Variants in ADGRL2 observed in about 807,000 individuals in gnomAD.
ADGRL2 encodes calcium-independent alpha-latrotoxin receptor 2.
A neutral mutation model predicts 157.4 loss-of-function variants in ADGRL2; 44 were observed. That is an observed-to-expected ratio of 0.28 (90% CI 0.22 to 0.36). The LOEUF (loss-of-function observed/expected upper bound fraction) is 0.36, where lower values mean the gene tolerates loss of function less well. ADGRL2 is among the 10% of genes least tolerant of loss of function. The probability of loss-of-function intolerance (pLI) is 1.00; values close to 1 mark genes in which losing one functional copy is unlikely to be tolerated. For synonymous variants in ADGRL2, 585 were observed against 624.7 expected (o/e 0.94, Z 0.95); for missense variants, 1,510 against 1,768.9 (o/e 0.85, Z 2.63).
rs530423437 is a variant in ADGRL2, at chr1:81,656,513, C to T, written c.-143+75533C>T. Among the ~76,000 whole-genome samples, 80 of 152,274 alleles carry T rather than the reference C, an allele frequency of 5.3e-4. 1 individual carries two copies. The highest frequency in any genetic ancestry group is 3.4e-3 in the Middle Eastern group (1 of 294). On this transcript the variant is annotated intron_variant, in intron 3 of 24. Coordinates refer to the ADGRL2 transcript ENST00000370721. ...CTGAATCTTGCCTTTATAAGGATCA[C>T]AGTCGCACTTCTAAACACTGTCCCT...
intron 1 of ADGRL2, among the ~76,000 whole-genome samples, chr1:81,318,906 T>TATCCTCCA (rs1368833857): frequency 2.7e-5 from 4 of 150,794 alleles, no homozygotes; most frequent in African/African-American, 9.7e-5. Flanking sequence ...ATAGTCATTT[T>TATCCTCCA]ATCCTCCATC....
chr1:81,904,830 C>T (rs1233984346), intron 2 of ADGRL2, among the ~76,000 whole-genome samples: 3 of 151,764 alleles, frequency 2.0e-5, no homozygotes, highest in African/African-American at 4.8e-5. Flanking sequence ...TTGCTTGAAC[C>T]GGCGAGGCAG....
intron 1 of ADGRL2, among the ~76,000 whole-genome samples, chr1:81,379,577 T>C (rs926504766): frequency 3.9e-5 from 6 of 152,144 alleles, no homozygotes. Flanking sequence ...GGTTTTCCCC[T>C]GGAGTCAGAC....
chr1:81,329,081 T>C (rs546841378), intron 1 of ADGRL2, among the ~76,000 whole-genome samples: 1 of 141,644 alleles, frequency 7.1e-6, no homozygotes, highest in East Asian at 2.1e-4. Context: ...GCAGAAGAAG[T>C]CGAGTTTTCA....
At chr1:81,324,087 T>C (rs572836013) in intron 1 of ADGRL2, among the ~76,000 whole-genome samples, 1 of 152,146 alleles carries the variant, frequency 6.6e-6, no homozygotes, top group African/African-American at 2.4e-5. Context: ...GCTAATGTAT[T>C]GGAAGGAGGC....
At chr1:81,802,392 C>A (rs1403940323) in intron 1 of ADGRL2, among the ~76,000 whole-genome samples, 1 of 151,972 alleles carries the variant, frequency 6.6e-6, no homozygotes, top group African/African-American at 2.4e-5. Context: ...CCCGCGCTCG[C>A]TCGGGCTGCT....
intron 1 of ADGRL2, among the ~76,000 whole-genome samples, chr1:81,366,305 A>G (rs954362865): frequency 2.0e-5 from 3 of 152,114 alleles, no homozygotes; most frequent in Non-Finnish European, 2.9e-5. Flanking sequence ...GAAAAAAAAA[A>G]AAGTAATTCT....
intron 2 of ADGRL2, among the ~76,000 whole-genome samples, chr1:81,466,024 GAGAA>G (rs2078044629): frequency 6.6e-6 from 1 of 152,216 alleles, no homozygotes; most frequent in Non-Finnish European, 1.5e-5. Flanking sequence ...TACTATAAAT[GAGAA>G]AGATACAGTG....
chr1:81,961,664 C>G (rs192438036), intron 11 of ADGRL2, among the ~76,000 whole-genome samples: 97 of 151,870 alleles, frequency 6.4e-4, no homozygotes, highest in Non-Finnish European at 6.9e-4. Flanking sequence ...TGCATCACTA[C>G]GCCCAGCTAA....
In ADGRL2 at chr1:81,879,420, CT is replaced by C. The variant is rs1226977154; in HGVS notation, c.74-27596del. ...GCAGTCACTTAGATCATTTCCTTGA[CT>C]AGAACAGTAGCAAGTTGGCTTAGAC... On this transcript the variant is annotated intron_variant, in intron 2 of 23. Transcript: ENST00000686636. Among the ~76,000 whole-genome samples the C allele has an allele frequency of 2.0e-5, 3 of 151,496 alleles. No homozygotes were observed. The East Asian group carries it at 5.9e-4, about 30-fold the overall frequency.
intron 1 of ADGRL2, among the ~76,000 whole-genome samples, chr1:81,741,996 T>C (rs2085087802): frequency 6.6e-6 from 1 of 152,018 alleles, no homozygotes; most frequent in Admixed American, 6.6e-5. Context: ...TTACTATTTG[T>C]ATGACAAAAG....
chr1:81,872,369 C>T (rs1052399226), intron 2 of ADGRL2, among the ~76,000 whole-genome samples: 4 of 152,100 alleles, frequency 2.6e-5, no homozygotes, highest in African/African-American at 9.7e-5. Context: ...TAGCGTGATG[C>T]CTCCAGCTTT....
Position 81,341,459 on chromosome 1 carries a change from G to GT in ADGRL2, c.-302+34957dup, listed in dbSNP as rs200053069. 8.9e-3 allele frequency among the ~76,000 whole-genome samples: 1,320 copies of GT among 148,052 alleles called. 16 individuals carry two copies. Among genetic ancestry groups the GT allele is most frequent in the African/African-American group, 0.031 (1,252 of 40,208 alleles). On this transcript the variant is annotated intron_variant, in intron 1 of 24. Coordinates refer to the ADGRL2 transcript ENST00000370721. ...TCAGAAAACTGTGATTTTTTTTTTT[G>GT]TTTTTTTATGTAGGCCTATTTTTAT...
intron 2 of ADGRL2, among the ~76,000 whole-genome samples, chr1:81,472,635 AAAAAG>A (rs1252056614): frequency 3.3e-5 from 5 of 150,604 alleles, no homozygotes; most frequent in Non-Finnish European, 5.9e-5. Flanking sequence ...GACTCTGAAA[AAAAAG>A]GAAAGGAAAG....
intron 1 of ADGRL2, among the ~76,000 whole-genome samples, chr1:81,385,567 G>T (rs1282040204): frequency 6.6e-6 from 1 of 150,970 alleles, no homozygotes; most frequent in African/African-American, 2.4e-5. Context: ...TAATACACAG[G>T]GCTAGTAAAC....
At chr1:81,572,670 T>G (rs1340343719) in intron 2 of ADGRL2, among the ~76,000 whole-genome samples, 1 of 152,158 alleles carries the variant, frequency 6.6e-6, no homozygotes, top group African/African-American at 2.4e-5. Flanking sequence ...GCTTTATAAC[T>G]GTATTACAGA....
intron 3 of ADGRL2, among the ~76,000 whole-genome samples, chr1:81,609,820 A>G (rs149859980): frequency 6.6e-6 from 1 of 152,378 alleles, no homozygotes; most frequent in East Asian, 1.9e-4. Flanking sequence ...TTTTCTCTCA[A>G]TATCTTGTTC....
At chr1:81,564,119 C>G (rs1322160273) in intron 2 of ADGRL2, among the ~76,000 whole-genome samples, 3 of 152,212 alleles carry the variant, frequency 2.0e-5, no homozygotes, top group African/African-American at 7.2e-5. Flanking sequence ...TTCATAGTCA[C>G]TGATGTCAAA....
chr1:81,514,180 G>A (rs1327682383), intron 2 of ADGRL2: 2 of 152,130 alleles, frequency 1.3e-5, no homozygotes, highest in Non-Finnish European at 2.9e-5. Flanking sequence ...TGGAGGCTTA[G>A]TTTGTATAGC....
Sources: allele counts gnomAD v4.1 joint callset (sites outside exome capture counted in the v4.1 genomes callset), GRCh38; gene constraint gnomAD v4.1.1; transcripts MANE v1.5; gene names NCBI Gene and HGNC (gene_info 2026-07-23, HGNC 2026-07-21).